The following GALE variants were observed in gnomAD, a reference collection of about 807,000 sequenced individuals.
The protein encoded by GALE is UDP-glucose 4-epimerase.
A neutral mutation model predicts 44.1 loss-of-function variants in GALE; 32 were observed. The observed-to-expected ratio is 0.73, with a 90% CI of 0.55 to 0.97. GALE has a LOEUF of 0.97. Among genes scored for constraint, GALE ranks in the 50% least tolerant of loss-of-function variants. GALE has a pLI of 0.00. For missense variants in GALE, 423 were observed against 455.6 expected, an observed-to-expected ratio of 0.93 and a Z score of 0.65; for synonymous variants, 182 against 183.5, an observed-to-expected ratio of 0.99 and a Z score of 0.06.
In GALE at chr1:23,796,041, CGGT is replaced by C; in HGVS notation, c.989-37_989-35del. The C allele has an allele frequency of 2.5e-6, 4 of 1,612,006 alleles. No homozygotes were observed. Among genetic ancestry groups the C allele is most frequent in the Non-Finnish European group, 3.4e-6 (4 of 1,178,578 alleles). On this transcript the variant is annotated intron_variant, in intron 11 of 11. Transcript: ENST00000617979. This position sits in a 1 kb window ranked among gnomAD's most constrained non-coding sequence, Gnocchi z 5.2. ...CGGCGAGGTGTGTGCTCAGGGCCCACGGTGGAATGCAGAGCCTCCCCCACCCCA... is the reference window on the plus strand; with the variant it reads ...CGGCGAGGTGTGTGCTCAGGGCCCACGGAATGCAGAGCCTCCCCCACCCCA...
In GALE at chr1:23,798,324, T is replaced by G. The variant is rs1309475397; in HGVS notation, c.238-94A>C. The G allele has an allele frequency of 1.4e-5, 13 of 906,632 alleles. No individual in the cohort carries two copies. Among genetic ancestry groups the G allele is most frequent in the Non-Finnish European group, 2.3e-5 (13 of 559,412 alleles). 56.2% of individuals were successfully genotyped at this position (906,632 alleles called of 1,614,324 possible). A position where few individuals can be genotyped will look rare whatever the true frequency, so the allele number is the denominator to read the frequency against. On this transcript the variant is annotated intron_variant, in intron 4 of 11. Coordinates refer to ENST00000617979, the MANE Select transcript of GALE (RefSeq NM_001008216.2). This position sits in a 1 kb window ranked among gnomAD's most constrained non-coding sequence, Gnocchi z 4.5. ...GCCTGCACTCACCTTTTTTTTTTTT[T>G]TTGACAGTCTCGCTCTGTTGTCCAG...
Position 23,798,824 on chromosome 1 carries a change from T to A in GALE, c.121+63A>T. ...CACATTCCCCGCCCGGTGGTGGAGG[T>A]GGAACCCAGGGTTTTGCTTCTGCCA... is the stretch of plus-strand genomic sequence containing the variant. On this transcript the variant is annotated intron_variant, in intron 3 of 11. Transcript: ENST00000617979. The surrounding 1 kb of genome is among the most constrained non-coding windows in gnomAD (Gnocchi z 4.5). The A allele has an allele frequency of 1.2e-6, 2 of 1,613,390 alleles. No homozygotes were observed. Among genetic ancestry groups the A allele is most frequent in the South Asian group, 2.2e-5 (2 of 91,046 alleles).
Position 23,798,127 on chromosome 1 carries a change from T to C in GALE, c.341A>G (p.Gln114Arg), listed in dbSNP as rs1421011827. The change falls in exon 5 of 12, where the codon CAG becomes CGG. Residue 114 changes from glutamine to arginine, a missense_variant. Transcript: ENST00000617979. This position sits in a 1 kb window ranked among gnomAD's most constrained non-coding sequence, Gnocchi z 4.5. ...TCCCATGCCTCTCACCTCCAGAAGC[T>C]GGATGGTCCCGGTCAGGTTAACTCT... ...YYRVNLTGTI[Q>R]LLEIMKAHGV... 5.0e-6 allele frequency: 8 copies of C among 1,613,480 alleles called. No individual in the cohort carries two copies. Among genetic ancestry groups the C allele is most frequent in the Non-Finnish European group, 5.9e-6 (7 of 1,179,488 alleles).
chr1:23,796,632 C>T lies in GALE; in HGVS notation c.796-46G>A, dbSNP rs760118661. ...TTTATGGAGCGGGCTGGACTGACCA[C>T]GCCTCTGGGCCGCTCTGCCTGGATC... On this transcript the variant is annotated intron_variant, in intron 9 of 11. Coordinates refer to ENST00000617979, the MANE Select transcript of GALE (RefSeq NM_001008216.2). The surrounding 1 kb of genome is among the most constrained non-coding windows in gnomAD (Gnocchi z 5.2). The T allele has an allele frequency of 9.9e-6, 16 of 1,614,060 alleles. No individual in the cohort carries two copies. Among genetic ancestry groups the T allele is most frequent in the East Asian group, 8.9e-5 (4 of 44,892 alleles).
rs560683244 is a variant in GALE, at chr1:23,796,967, C to A, written c.643-25G>T. 6.2e-7 allele frequency: 1 copy of A among 1,610,570 alleles called. No individual in the cohort carries two copies. The highest frequency in any genetic ancestry group is 1.3e-5 in the African/African-American group (1 of 74,898). ...CCTGGAGGTGGAGATCAGGTCAGTT[C>A]GTCCCAGATCCCAGGCACCAGCTTT... On this transcript the variant is annotated intron_variant, in intron 7 of 11. Coordinates refer to ENST00000617979, the MANE Select transcript of GALE (RefSeq NM_001008216.2). The surrounding 1 kb of genome is among the most constrained non-coding windows in gnomAD (Gnocchi z 5.2).
rs1639026198 is a variant in GALE at position 23,798,299 on chromosome 1, G to A, written c.238-69C>T. The A allele has an allele frequency of 1.0e-5, 11 of 1,096,592 alleles. No individual in the cohort carries two copies. The highest frequency in any genetic ancestry group is 2.4e-5 in the East Asian group (1 of 41,098). The allele number at this position is 1,096,592 out of a possible 1,614,324, so 67.9% of individuals were successfully genotyped here. A position where few individuals can be genotyped will look rare whatever the true frequency, so the allele number is the denominator to read the frequency against. ...CCTTGGCAATGCCCTCAGCCTGCCTGCCTGCACTCACCTTTTTTTTTTTTT... is the reference window on the plus strand; with the variant it reads ...CCTTGGCAATGCCCTCAGCCTGCCTACCTGCACTCACCTTTTTTTTTTTTT... On this transcript the variant is annotated intron_variant, in intron 4 of 11. Transcript: ENST00000617979. The surrounding 1 kb of genome is among the most constrained non-coding windows in gnomAD (Gnocchi z 4.5).
Position 23,796,442 on chromosome 1 carries a change from A to G in GALE, c.873+67T>C, listed in dbSNP as rs1557478055. The G allele has an allele frequency of 6.9e-7, 1 of 1,440,338 alleles. No individual in the cohort carries two copies. Among genetic ancestry groups the G allele is most frequent in the East Asian group, 2.9e-5 (1 of 34,396 alleles). The allele number at this position is 1,440,338 out of a possible 1,614,324, so 89.2% of individuals were successfully genotyped here. A position where few individuals can be genotyped will look rare whatever the true frequency, so the allele number is the denominator to read the frequency against. ...CCAGAGAGGTGAGTGGGAAGGGCCA[A>G]AGCTGCTCTGTTGCTGAGAGCTGGG... On this transcript the variant is annotated intron_variant, in intron 10 of 11. Transcript: ENST00000617979. The surrounding 1 kb of genome is among the most constrained non-coding windows in gnomAD (Gnocchi z 5.2).
chr1:23,798,680 G>A lies in GALE; in HGVS notation c.172C>T (p.Arg58Cys), dbSNP rs142821993. 3.1e-4 allele frequency: 501 copies of A among 1,613,712 alleles called. 1 individual carries two copies. Among genetic ancestry groups the A allele is most frequent in the Non-Finnish European group, 3.9e-4 (464 of 1,179,764 alleles). The change falls in exon 4 of 12, where the codon CGC becomes TGC. Residue 58 changes from arginine to cysteine, a missense_variant. Coordinates refer to ENST00000617979, the MANE Select transcript of GALE (RefSeq NM_001008216.2). The surrounding 1 kb of genome is among the most constrained non-coding windows in gnomAD (Gnocchi z 4.5). The part of the protein sequence containing the change: ...SLRRVQELTG[R>C]SVEFEEMDIL... ...TCCATCTCCTCAAACTCCACAGAGCGGCCTGTCAGCTCCTGGACCCGCCGC... is the reference window on the plus strand; with the variant it reads ...TCCATCTCCTCAAACTCCACAGAGCAGCCTGTCAGCTCCTGGACCCGCCGC...
intron 1 of GALE, 79 bp from the exon 2 acceptor site, chr1:23,799,515 G>A: frequency 4.5e-6 from 1 of 220,686 alleles, no homozygotes; most frequent in Non-Finnish European, 9.3e-6. Flanking sequence ...ACCCAGGCTT[G>A]TCCAATGCCT....
chr1:23,797,561 G>T, intron 6 of GALE, 134 bp downstream of exon 6: 1 of 841,416 alleles, frequency 1.2e-6, no homozygotes, highest in South Asian at 1.4e-5. Context: ...AGGGGATGGG[G>T]CCCTCCACTG....
Position 23,797,048 on chromosome 1 carries a change from G to T in GALE, c.628C>A (p.Pro210Thr), listed in dbSNP as rs1209565680. Reference sequence around the variant, plus strand: ...TTTTGCCTTACCTGGGAGACATAAGGCATGAGGTTGTTGGGTATGCCCTGG... The same window carrying T: ...TTTTGCCTTACCTGGGAGACATAAGTCATGAGGTTGTTGGGTATGCCCTGG... ...DPQGIPNNLM[P>T]YVSQVAIGRR... is the part of the protein sequence containing the mutation. Residue 210 changes from proline (P) to threonine (T), a missense_variant, in exon 7 of 12, where the codon CCT becomes ACT. Physicochemically the swap from Pro to Thr is conservative, Grantham distance 38. Coordinates refer to ENST00000617979, the MANE Select transcript of GALE (RefSeq NM_001008216.2). The T allele has an allele frequency of 6.2e-7, 1 of 1,613,392 alleles. No homozygotes were observed. The highest frequency in any genetic ancestry group is 8.5e-7 in the Non-Finnish European group (1 of 1,179,654).
Position 23,798,492 on chromosome 1 carries a change from G to T in GALE, c.237+123C>A, listed in dbSNP as rs762726692. On this transcript the variant is annotated intron_variant, in intron 4 of 11. Transcript: ENST00000617979. This position sits in a 1 kb window ranked among gnomAD's most constrained non-coding sequence, Gnocchi z 4.5. ...GCTAATTTTTGTATTTTTCTGTAGA[G>T]ATGGGGTTTCACTGTGTTGAGCAGG... 14 of 771,976 alleles carry T rather than the reference G, an allele frequency of 1.8e-5. 2 individuals carry two copies. In the South Asian group the frequency reaches 1.9e-4, roughly 10 times the overall value. The allele number at this position is 771,976 out of a possible 1,614,324, so 47.8% of individuals were successfully genotyped here.
Position 23,795,800 on chromosome 1 carries a change from TCATGCCTGGTGGGCTAAGCGGG to T in GALE, c.*127_*148del. 1.3e-6 allele frequency: 1 copy of T among 746,112 alleles called. No individual in the cohort carries two copies. 46.2% of individuals were successfully genotyped at this position (746,112 alleles called of 1,614,324 possible). A position where few individuals can be genotyped will look rare whatever the true frequency, so the allele number is the denominator to read the frequency against. ...CTCCTGGTCAGTGGAGCCCTTGGCC[TCATGCCTGGTGGGCTAAGCGGG>T]CCCAGCTGGGGTTTGAGGTAGGGGA... On this transcript the variant is annotated 3_prime_UTR_variant, in exon 12 of 12. Coordinates refer to ENST00000617979, the MANE Select transcript of GALE (RefSeq NM_001008216.2).
At position 23,799,171 on chromosome 1, in the gene GALE, C is replaced by T. The variant is rs185692099; in HGVS notation, c.-5-159G>A. 7.9e-4 allele frequency: 683 copies of T among 865,658 alleles called. 7 individuals carry two copies. In the East Asian group the frequency reaches 0.018, roughly 23 times the overall value. 53.6% of individuals were successfully genotyped at this position (865,658 alleles called of 1,614,324 possible). On this transcript the variant is annotated intron_variant, in intron 2 of 11. Coordinates refer to ENST00000617979, the MANE Select transcript of GALE (RefSeq NM_001008216.2). ...GTCAGCCCTGGGGCAAGTCTGGGTA[C>T]CATCACTTTCTGGCCTTAGGCTTTG...
chr1:23,797,562 C>A lies in GALE; in HGVS notation c.528+133G>T. The A allele has an allele frequency of 3.5e-6, 3 of 849,450 alleles. No homozygotes were observed. In the South Asian group the frequency reaches 4.2e-5, roughly 12 times the overall value. 52.6% of individuals were successfully genotyped at this position (849,450 alleles called of 1,614,324 possible). Reference sequence around the variant, plus strand: ...CTTTAGAAACAAGCAGGGGATGGGGCCCTCCACTGCAACTGCCTGAGCCTT... The same window carrying A: ...CTTTAGAAACAAGCAGGGGATGGGGACCTCCACTGCAACTGCCTGAGCCTT... On this transcript the variant is annotated intron_variant, in intron 6 of 11. Coordinates refer to ENST00000617979, the MANE Select transcript of GALE (RefSeq NM_001008216.2).
rs1638926755 is a variant in GALE at position 23,795,777 on chromosome 1, C to T, written c.*172G>A. ...AGATAAGAGTTAGAGACCTCGGCCT[C>T]CTGGTCAGTGGAGCCCTTGGCCTCA... On this transcript the variant is annotated 3_prime_UTR_variant, in exon 12 of 12. Coordinates refer to ENST00000617979, the MANE Select transcript of GALE (RefSeq NM_001008216.2). 3.0e-6 allele frequency: 2 copies of T among 666,338 alleles called. No homozygotes were observed. Among genetic ancestry groups the T allele is most frequent in the Non-Finnish European group, 5.4e-6 (2 of 368,312 alleles). The allele number at this position is 666,338 out of a possible 1,614,324, so 41.3% of individuals were successfully genotyped here.
chr1:23,799,055 G>C, intron 2 of GALE, 43 bp from the exon 3 acceptor site: 1 of 1,613,504 alleles, frequency 6.2e-7, no homozygotes, highest in East Asian at 2.2e-5. Flanking sequence ...GAGGCTGCCT[G>C]CTCAGAGCTT....
chr1:23,797,962 G>A (rs924949229), intron 5 of GALE, 91 bp from the exon 6 acceptor site: 12 of 1,423,812 alleles, frequency 8.4e-6, no homozygotes, highest in Middle Eastern at 1.7e-4. Context: ...CTGAGGTGAT[G>A]AGCACTCTCA....
rs1326193488 is a variant in GALE at position 23,798,332 on chromosome 1, T to C, written c.238-102A>G. On this transcript the variant is annotated intron_variant, in intron 4 of 11. Transcript: ENST00000617979. This position sits in a 1 kb window ranked among gnomAD's most constrained non-coding sequence, Gnocchi z 4.5. Reference sequence around the variant, plus strand: ...TCACCTTTTTTTTTTTTTTTGACAGTCTCGCTCTGTTGTCCAGGCTGGAGT... The same window carrying C: ...TCACCTTTTTTTTTTTTTTTGACAGCCTCGCTCTGTTGTCCAGGCTGGAGT... The C allele has an allele frequency of 2.4e-6, 2 of 825,896 alleles. No individual in the cohort carries two copies. Among genetic ancestry groups the C allele is most frequent in the Admixed American group, 2.0e-5 (1 of 50,638 alleles). 51.2% of individuals were successfully genotyped at this position (825,896 alleles called of 1,614,324 possible).
Sources: gnomAD v4.1 joint callset for allele counts on GRCh38, gnomAD v4.1.1 for gene constraint, Gnocchi (gnomAD v3.1) non-coding constraint, MANE v1.5 for transcripts, NCBI Gene and HGNC (gene_info 2026-07-23, HGNC 2026-07-21) for gene names.